IRX2: variants seen among roughly 807,000 people sequenced by gnomAD.
IRX2 encodes iroquois homeobox 2.
Under a neutral mutation model 42.9 loss-of-function variants are expected in IRX2, and 26 were observed. That is an observed-to-expected ratio of 0.61 (90% CI 0.44 to 0.84). The LOEUF is 0.84. Ranked by LOEUF, IRX2 falls within the 40% of genes least tolerant of loss-of-function variation. The probability of loss-of-function intolerance (pLI) is 0.00; values close to 1 mark genes in which losing one functional copy is unlikely to be tolerated. For synonymous variants in IRX2, 424 were observed against 353.9 expected (o/e 1.20, Z -2.22); for missense variants, 782 against 713.9 (o/e 1.10, Z -1.09).
rs1737790925 is a variant in IRX2, at chr5:2,748,744, G to A, written c.964C>T (p.Pro322Ser). ...QGSRTSPGAP[P>S]PASKPKLWSL... ...CACAGCTTGGGCTTGCTGGCGGGGG[G>A]CGGCGCGCCCGGAGACGTCCGGCTG... The change falls in exon 3 of 4, where the codon CCC becomes TCC. Residue 322 changes from proline (P) to serine (S), a missense_variant. Physicochemically the swap from Pro to Ser is moderately conservative, Grantham distance 74 (BLOSUM62 -1). This residue lies in a region of IRX2 where 520 missense variants were observed against 437.8 expected (regional missense o/e 1.19). Coordinates refer to ENST00000302057, the MANE Select transcript of IRX2 (RefSeq NM_033267.5). 5 of 1,365,448 alleles carry A rather than the reference G, an allele frequency of 3.7e-6. No homozygotes were observed. The highest frequency in any genetic ancestry group is 4.7e-6 in the Non-Finnish European group (5 of 1,065,454). 84.6% of individuals were successfully genotyped at this position (1,365,448 alleles called of 1,614,324 possible).
chr5:2,739,947 G>T, the IRX2 span, among the ~76,000 whole-genome samples: 1 of 152,178 alleles, frequency 6.6e-6, no homozygotes, highest in African/African-American at 2.4e-5. Flanking sequence ...TGAAGCCCGG[G>T]ACCAGAGCTG....
chr5:2,748,784 G>T lies in IRX2; in HGVS notation c.924C>A (p.Arg308=). ...ACGTCCGGCTGCCCTGGGGCGTCTT[G>T]CGGCCACCGCGGGGCGCGGCCTCGG... The part of the protein sequence containing the change: ...PPPEAAPRGG[R]KTPQGSRTSP... The change falls in exon 3 of 4, where the codon CGC becomes CGA. Residue 308 remains arginine (R), a synonymous_variant. Transcript: ENST00000302057. The T allele has an allele frequency of 1.4e-6, 2 of 1,408,542 alleles. No homozygotes were observed. Among genetic ancestry groups the T allele is most frequent in the Non-Finnish European group, 1.8e-6 (2 of 1,094,620 alleles). 87.3% of individuals were successfully genotyped at this position (1,408,542 alleles called of 1,614,324 possible).
downstream of IRX2, among the ~76,000 whole-genome samples, chr5:2,744,812 T>A (rs1737621198): frequency 6.6e-6 from 1 of 152,184 alleles, no homozygotes; most frequent in South Asian, 2.1e-4. Flanking sequence ...ACAAAATACA[T>A]AAGAAATAAC....
downstream of IRX2, chr5:2,745,798 A>C (rs1475879778): frequency 1.3e-5 from 2 of 152,114 alleles, no homozygotes; most frequent in African/African-American, 4.8e-5. Context: ...AGTTTGGTTT[A>C]CTGAGGAGGT....
At chr5:2,739,925 C>G in the IRX2 span, among the ~76,000 whole-genome samples, 1 of 152,080 alleles carries the variant, frequency 6.6e-6, no homozygotes, top group African/African-American at 2.4e-5. Context: ...AGGGTAGGAC[C>G]AGGAAGGGGA....
the IRX2 span, among the ~76,000 whole-genome samples, chr5:2,737,484 G>C: frequency 6.6e-6 from 1 of 152,150 alleles, no homozygotes; most frequent in Non-Finnish European, 1.5e-5. Flanking sequence ...TGCTACGTGG[G>C]GCCCGGTGGC....
chr5:2,747,872 GAAC>G (rs1037603749), intron 3 of IRX2, among the ~76,000 whole-genome samples: 1 of 152,128 alleles, frequency 6.6e-6, no homozygotes, highest in African/African-American at 2.4e-5. Context: ...TTTTCTTTCC[GAAC>G]AACGACAACA....
At chr5:2,750,367 A>T (rs1737896547) in intron 1 of IRX2, among the ~76,000 whole-genome samples, 1 of 152,256 alleles carries the variant, frequency 6.6e-6, no homozygotes, top group South Asian at 2.1e-4. Context: ...CCAAGGCCCC[A>T]GCGACTCGGT....
chr5:2,747,494 G>A lies in IRX2; in HGVS notation c.*70C>T. The A allele has an allele frequency of 1.5e-6, 2 of 1,361,836 alleles. No individual in the cohort carries two copies. The highest frequency in any genetic ancestry group is 2.4e-5 in the South Asian group (2 of 84,950). 84.4% of individuals were successfully genotyped at this position (1,361,836 alleles called of 1,614,324 possible). A position where few individuals can be genotyped will look rare whatever the true frequency, so the allele number is the denominator to read the frequency against. On this transcript the variant is annotated 3_prime_UTR_variant, in exon 4 of 4. Transcript: ENST00000302057. ...AGAAAAACACATTAAGCAAGTTGGT[G>A]CTGGGAGGCTCCACAGGGTCTGGGA... is the stretch of plus-strand genomic sequence containing the variant.
Position 2,748,456 on chromosome 5 carries a change from C to T in IRX2, c.1252G>A (p.Gly418Ser), listed in dbSNP as rs371290122. 6.4e-7 allele frequency: 1 copy of T among 1,569,166 alleles called. No individual in the cohort carries two copies. Among genetic ancestry groups the T allele is most frequent in the African/African-American group, 1.4e-5 (1 of 70,656 alleles). Residue 418 changes from glycine (G) to serine (S), a missense_variant, in exon 3 of 4, where the codon GGC becomes AGC. Physicochemically the swap from Gly to Ser is moderately conservative, Grantham distance 56. Transcript: ENST00000302057. ...LRYNSAAAAPGEALHTAPKAA... is the reference protein window; with the variant it reads ...LRYNSAAAAPSEALHTAPKAA... ...TTTGGCGCGGTGTGCAGGGCCTCGC[C>T]GGGGGCCGCGGCCGCAGAGTTGTAC...
intron 2 of IRX2, 103 bp downstream of exon 2, chr5:2,749,279 C>T (rs1367120815): frequency 6.7e-7 from 1 of 1,482,688 alleles, no homozygotes. Flanking sequence ...GGCTCCGGCC[C>T]GGACCTGGGG....
Position 2,748,954 on chromosome 5 carries a change from A to G in IRX2, c.754T>C (p.Ser252Pro). 1 of 1,596,820 alleles carries G rather than the reference A, an allele frequency of 6.3e-7. No individual in the cohort carries two copies. The highest frequency in any genetic ancestry group is 1.1e-5 in the South Asian group (1 of 90,818). Residue 252 changes from serine (S) to proline (P), a missense_variant, in exon 3 of 4, where the codon TCG becomes CCG. By Grantham distance (74) the Ser-to-Pro change is moderately conservative (BLOSUM62 -1). Transcript: ENST00000302057. ...TACTTGTCCTTGCACTCCGAGCCCG[A>G]TTCGCACAGGGGGTCCCCGGCGCGG... ...PCRAGDPLCE[S>P]GSECKDKYDD...
At chr5:2,743,378 C>T (rs1457965616), downstream of IRX2, among the ~76,000 whole-genome samples, 2 of 152,190 alleles carry the variant, frequency 1.3e-5, no homozygotes, top group African/African-American at 4.8e-5. Context: ...GCGCCCGCGC[C>T]GGCCGCCGGG....
downstream of IRX2, chr5:2,745,807 G>A (rs1411725253): frequency 3.3e-5 from 5 of 152,122 alleles, no homozygotes; most frequent in Non-Finnish European, 7.3e-5. Flanking sequence ...TACTGAGGAG[G>A]TTCAAGAAGC....
downstream of IRX2, among the ~76,000 whole-genome samples, chr5:2,745,067 C>T (rs1047690313): frequency 2.6e-5 from 4 of 152,220 alleles, no homozygotes; most frequent in Non-Finnish European, 5.9e-5. Flanking sequence ...CATCCTCAGA[C>T]ACATTGGCCT....
rs571462106 is a variant in IRX2 at position 2,747,348 on chromosome 5, G to T, written c.*216C>A. 4.3e-6 allele frequency: 2 copies of T among 462,012 alleles called. No individual in the cohort carries two copies. The highest frequency in any genetic ancestry group is 6.4e-5 in the East Asian group (2 of 31,288). The allele number at this position is 462,012 out of a possible 1,614,324, so 28.6% of individuals were successfully genotyped here. Reference sequence around the variant, plus strand: ...TTTTTTTCCTTCCCTAGGTAAAGGAGTGATAGAACTTGTGCCAAAAAGAGG... The same window carrying T: ...TTTTTTTCCTTCCCTAGGTAAAGGATTGATAGAACTTGTGCCAAAAAGAGG... On this transcript the variant is annotated 3_prime_UTR_variant, in exon 4 of 4. Coordinates refer to ENST00000302057, the MANE Select transcript of IRX2 (RefSeq NM_033267.5).
Position 2,747,106 on chromosome 5 carries a change from A to G in IRX2, c.*458T>C, listed in dbSNP as rs2111442066. ...GGTTTTTGCTACTCCAAGTTTTGGT[A>G]GCCCAAGCTCATCAAAGCATGTGTC... On this transcript the variant is annotated 3_prime_UTR_variant, in exon 4 of 4. Transcript: ENST00000302057. 6.6e-6 allele frequency: 1 copy of G among 152,256 alleles called. No individual in the cohort carries two copies. The highest frequency in any genetic ancestry group is 2.4e-5 in the African/African-American group (1 of 41,556). The allele number at this position is 152,256 out of a possible 1,614,324, so 9.4% of individuals were successfully genotyped here. A position where few individuals can be genotyped will look rare whatever the true frequency, so the allele number is the denominator to read the frequency against.
chr5:2,742,636 A>C (rs1044310212), downstream of IRX2, among the ~76,000 whole-genome samples: 2 of 152,218 alleles, frequency 1.3e-5, no homozygotes, highest in African/African-American at 4.8e-5. Flanking sequence ...TTTTGAGTCT[A>C]AATGAATGTT....
At chr5:2,740,302 G>A in the IRX2 span, among the ~76,000 whole-genome samples, 4 of 151,818 alleles carry the variant, frequency 2.6e-5, no homozygotes, top group African/African-American at 9.7e-5. Context: ...CCACCTTGGG[G>A]CCGCAGAAGG....
Sources: allele counts gnomAD v4.1 joint callset (sites outside exome capture counted in the v4.1 genomes callset), GRCh38; gene constraint gnomAD v4.1.1; regional missense constraint gnomAD v4.1.1; transcripts MANE v1.5; gene names NCBI Gene and HGNC (gene_info 2026-07-23, HGNC 2026-07-21).